KCNH7: variants seen among roughly 807,000 people sequenced by gnomAD.
KCNH7 encodes the protein potassium voltage-gated channel subfamily H member 7, also known as voltage-gated inwardly rectifying potassium channel KCNH7.
A neutral mutation model predicts 120.8 loss-of-function variants in KCNH7; 49 were observed. The ratio of observed to expected loss-of-function variants is 0.41; its 90% CI spans 0.32 to 0.51. The LOEUF (loss-of-function observed/expected upper bound fraction) is 0.51, where lower values mean the gene tolerates loss of function less well. Among genes scored for constraint, KCNH7 ranks in the 20% least tolerant of loss-of-function variants. The pLI is 0.38. For missense variants in KCNH7, 1,097 were observed against 1,446.6 expected (o/e 0.76, Z 3.92); for synonymous variants, 547 against 516.1 (o/e 1.06, Z -0.81).
At chr2:162,706,074 C>T (rs1250559612) in intron 2 of KCNH7, among the ~76,000 whole-genome samples, 1 of 152,110 alleles carries the variant, frequency 6.6e-6, no homozygotes, top group Non-Finnish European at 1.5e-5. Flanking sequence ...CAGCAGAGTG[C>T]TCTGCTAAAT....
intron 6 of KCNH7, among the ~76,000 whole-genome samples, chr2:162,489,992 G>A (rs999844821): frequency 3.3e-5 from 5 of 152,190 alleles, no homozygotes; most frequent in South Asian, 4.1e-4. Context: ...TTTTATTGAG[G>A]TTTATATGAT....
intron 2 of KCNH7, among the ~76,000 whole-genome samples, chr2:162,718,149 A>G (rs1450741725): frequency 6.6e-6 from 1 of 151,866 alleles, no homozygotes; most frequent in Non-Finnish European, 1.5e-5. Flanking sequence ...TGATCTCTTA[A>G]CACTTGACAG....
intron 2 of KCNH7, among the ~76,000 whole-genome samples, chr2:162,699,176 A>G (rs1392020682): frequency 6.6e-6 from 1 of 151,918 alleles, no homozygotes; most frequent in African/African-American, 2.4e-5. Flanking sequence ...TCTTGAACTT[A>G]TTCCTCTTAT....
intron 2 of KCNH7, among the ~76,000 whole-genome samples, chr2:162,765,786 T>G (rs918048842): frequency 2.6e-5 from 4 of 152,168 alleles, no homozygotes; most frequent in Admixed American, 6.6e-5. Context: ...AAATAGGGTC[T>G]CACTCTTTTA....
At chr2:162,722,312 T>C (rs1687347700) in intron 2 of KCNH7, among the ~76,000 whole-genome samples, 1 of 152,068 alleles carries the variant, frequency 6.6e-6, no homozygotes, top group Non-Finnish European at 1.5e-5. Context: ...GAAATGCATA[T>C]TAAAGTAGAT....
chr2:162,573,598 T>C (rs931780711), intron 2 of KCNH7, among the ~76,000 whole-genome samples: 1 of 152,014 alleles, frequency 6.6e-6, no homozygotes, highest in African/African-American at 2.4e-5. Context: ...GAGAACATTA[T>C]TATTTTCTTT....
chr2:162,633,658 A>C (rs1683843450), intron 2 of KCNH7, among the ~76,000 whole-genome samples: 1 of 151,926 alleles, frequency 6.6e-6, no homozygotes, highest in Non-Finnish European at 1.5e-5. Flanking sequence ...GATTTTTTGC[A>C]GGTGACCCTT....
intron 2 of KCNH7, among the ~76,000 whole-genome samples, chr2:162,542,260 A>G (rs146211999): frequency 0.017 from 2,381 of 142,964 alleles, 61 homozygotes; most frequent in East Asian, 0.098. Flanking sequence ...TATTATTATT[A>G]TTATTATACT....
intron 6 of KCNH7, among the ~76,000 whole-genome samples, chr2:162,488,313 C>T (rs1053013770): frequency 7.2e-5 from 11 of 152,230 alleles, no homozygotes; most frequent in African/African-American, 2.6e-4. Context: ...TTTTGTCCAA[C>T]AGAACTTTTA....
chr2:162,732,905 T>C, intron 2 of KCNH7, among the ~76,000 whole-genome samples: 1 of 152,220 alleles, frequency 6.6e-6, no homozygotes, highest in East Asian at 1.9e-4. Context: ...AACAATGTTT[T>C]GTTAATCTGG....
At chr2:162,683,163 A>G (rs1351591619) in intron 2 of KCNH7, among the ~76,000 whole-genome samples, 1 of 151,820 alleles carries the variant, frequency 6.6e-6, no homozygotes, top group Non-Finnish European at 1.5e-5. Context: ...GAAGGTGATG[A>G]TGTCTATTTA....
chr2:162,385,198 C>T (rs946156151), intron 12 of KCNH7, among the ~76,000 whole-genome samples: 4 of 151,738 alleles, frequency 2.6e-5, no homozygotes, highest in Admixed American at 6.6e-5. Flanking sequence ...AACTTACAAA[C>T]TTGTTTATAT....
At chr2:162,439,072 G>A (rs1688343514) in intron 7 of KCNH7, among the ~76,000 whole-genome samples, 1 of 151,910 alleles carries the variant, frequency 6.6e-6, no homozygotes, top group South Asian at 2.1e-4. Flanking sequence ...GAGTATAATT[G>A]TTTTCAGAAT....
chr2:162,834,848 T>C (rs12104888), intron 2 of KCNH7, among the ~76,000 whole-genome samples: 1 of 152,224 alleles, frequency 6.6e-6, no homozygotes, highest in Admixed American at 6.5e-5. Context: ...TCCAGATTAA[T>C]GTCATACTTA....
At chr2:162,509,508 G>A (rs1690993803) in intron 5 of KCNH7, among the ~76,000 whole-genome samples, 1 of 151,566 alleles carries the variant, frequency 6.6e-6, no homozygotes, top group Admixed American at 6.6e-5. Context: ...CAAATGCAGT[G>A]TTTAATAATT....
intron 3 of KCNH7, among the ~76,000 whole-genome samples, chr2:162,524,534 T>G (rs1691637417): frequency 6.6e-6 from 1 of 151,980 alleles, no homozygotes. Flanking sequence ...TGATCTGAAT[T>G]AAGCCTACAA....
chr2:162,378,835 G>A (rs1686306772), intron 14 of KCNH7, among the ~76,000 whole-genome samples: 1 of 152,176 alleles, frequency 6.6e-6, no homozygotes, highest in Admixed American at 6.5e-5. Context: ...GCTGAGGTCA[G>A]GTATACTATA....
chr2:162,748,919 C>CCCTTTCCTTT (rs1190925682), intron 2 of KCNH7, among the ~76,000 whole-genome samples: 1 of 43,608 alleles, frequency 2.3e-5, no homozygotes, highest in Non-Finnish European at 3.5e-5. Flanking sequence ...TCCTTCCCTT[C>CCCTTTCCTTT]CCTTTCCTTT....
intron 2 of KCNH7, among the ~76,000 whole-genome samples, chr2:162,817,550 C>T (rs574106213): frequency 1.4e-4 from 22 of 151,936 alleles, no homozygotes; most frequent in Non-Finnish European, 1.6e-4. Context: ...CATTTGTGGA[C>T]ATATATTTTC....
Sources: gnomAD v4.1 joint callset for allele counts (sites outside exome capture counted in the v4.1 genomes callset) on GRCh38, gnomAD v4.1.1 for gene constraint, MANE v1.5 for transcripts, NCBI Gene and HGNC (gene_info 2026-07-23, HGNC 2026-07-21) for gene names.